The following LAMP5 variants were observed in gnomAD, a reference collection of about 807,000 sequenced individuals.
LAMP5 encodes lysosome associated membrane protein 5, also known as lysosome-associated membrane glycoprotein 5.
LAMP5 carries 36 observed loss-of-function variants against 30.2 expected under a neutral mutation model. That is an observed-to-expected ratio of 1.19 (90% confidence interval 0.91 to 1.57). LAMP5 has a LOEUF of 1.57. LAMP5 is among the 40% of genes most tolerant of loss of function. The pLI is 0.00. For missense variants in LAMP5, 377 were observed against 354.9 expected (o/e 1.06, Z -0.50); for synonymous variants, 149 against 134.6 (o/e 1.11, Z -0.74).
Position 9,515,594 on chromosome 20 carries a change from C to CT in LAMP5, c.208dup (p.Tyr70LeufsTer2), listed in dbSNP as rs1248396407. 7 of 1,614,032 alleles carry CT rather than the reference C, an allele frequency of 4.3e-6. No homozygotes were observed. Among genetic ancestry groups the CT allele is most frequent in the Non-Finnish European group, 5.9e-6 (7 of 1,180,036 alleles). On this transcript the variant is annotated frameshift_variant, in exon 2 of 6. Transcript: ENST00000246070. LOFTEE classifies it high-confidence loss of function. ...GAGTTTGCAGCCAAATTTATTGTAC[C>CT]TTATGATGTGTGGGCCAGCAACTAC...
At chr20:9,524,595 T>TAAAAAAAAAAAAAAAAAAAAAA (rs748114210) in intron 5 of LAMP5, among the ~76,000 whole-genome samples, 3 of 82,214 alleles carry the variant, frequency 3.6e-5, no homozygotes, top group Non-Finnish European at 2.5e-5. Flanking sequence ...CAGATCGAAC[T>TAAAAAAAAAAAAAAAAAAAAAA]AAAAAAAAAA....
rs752855315 is a variant in LAMP5, at chr20:9,516,103, C to T, written c.341C>T (p.Ala114Val). The T allele has an allele frequency of 6.4e-6, 10 of 1,550,744 alleles. No individual in the cohort carries two copies. Among genetic ancestry groups the T allele is most frequent in the Admixed American group, 2.1e-5 (1 of 48,292 alleles). The change falls in exon 3 of 6, where the codon GCA becomes GTA. Residue 114 changes from alanine (A) to valine (V), a missense_variant. Ala to Val is a moderately conservative substitution (Grantham distance 64, BLOSUM62 0). Transcript: ENST00000246070. ...CTGCAAGTGTTCTGGGTGGATCGCG[C>T]ATATGCACTCAAAATGCTCTTTGTA... is the stretch of plus-strand genomic sequence containing the variant. Reference protein sequence around the residue: ...SELQVFWVDRAYALKMLFVKE... With the variant: ...SELQVFWVDRVYALKMLFVKE...
chr20:9,515,847 G>T (rs1408422135), intron 2 of LAMP5, among the ~76,000 whole-genome samples, 153 bp from the exon 3 acceptor site: 1 of 152,214 alleles, frequency 6.6e-6, no homozygotes, highest in South Asian at 2.1e-4. Flanking sequence ...GGGGCTGCAC[G>T]TAGAGCATCT....
chr20:9,528,705 C>T (rs373475063), intron 5 of LAMP5, among the ~76,000 whole-genome samples: 1 of 152,286 alleles, frequency 6.6e-6, no homozygotes. Flanking sequence ...GTAAACATCT[C>T]CTAGATCAAG....
chr20:9,516,223 G>A, intron 3 of LAMP5, 33 bp from the exon 4 acceptor site: 1 of 1,613,250 alleles, frequency 6.2e-7, no homozygotes, highest in South Asian at 1.1e-5. Context: ...GACGCTGCGG[G>A]GACGATTGAA....
intron 5 of LAMP5, among the ~76,000 whole-genome samples, chr20:9,521,921 C>T (rs566692242): frequency 6.6e-6 from 1 of 152,256 alleles, no homozygotes; most frequent in South Asian, 2.1e-4. Context: ...ATAGATTGGT[C>T]CCTTTTTAAT....
At chr20:9,520,994 C>G (rs1288467864) in intron 5 of LAMP5, among the ~76,000 whole-genome samples, 1 of 152,106 alleles carries the variant, frequency 6.6e-6, no homozygotes, top group African/African-American at 2.4e-5. Context: ...CCCCAAGAAG[C>G]TCCATTGCTA....
intron 5 of LAMP5, among the ~76,000 whole-genome samples, chr20:9,519,907 G>A (rs920194652): frequency 6.6e-6 from 1 of 152,150 alleles, no homozygotes; most frequent in Non-Finnish European, 1.5e-5. Flanking sequence ...GTTGTTTATA[G>A]TTGCCTATGG....
intron 4 of LAMP5, among the ~76,000 whole-genome samples, 174 bp downstream of exon 4, chr20:9,516,535 G>A (rs2045041690): frequency 6.6e-6 from 1 of 152,094 alleles, no homozygotes; most frequent in South Asian, 2.1e-4. Flanking sequence ...AGTCTTCTGG[G>A]TCTCAGGCCT....
At chr20:9,515,305 C>G in intron 1 of LAMP5, 148 bp from the exon 2 acceptor site, 4 of 647,948 alleles carry the variant, frequency 6.2e-6, no homozygotes, top group Non-Finnish European at 1.0e-5. Flanking sequence ...TTGTTAGACC[C>G]GGGTTAGAGA....
intron 5 of LAMP5, among the ~76,000 whole-genome samples, 188 bp downstream of exon 5, chr20:9,518,416 GTTCT>G (rs535239589): frequency 1.4e-4 from 21 of 152,194 alleles, no homozygotes; most frequent in Non-Finnish European, 2.5e-4. Flanking sequence ...TATCTCAGTA[GTTCT>G]TTCTTTCTCC....
intron 5 of LAMP5, among the ~76,000 whole-genome samples, chr20:9,527,285 T>A (rs2045120924): frequency 6.6e-6 from 1 of 152,154 alleles, no homozygotes; most frequent in African/African-American, 2.4e-5. Flanking sequence ...CTTATTATCG[T>A]TATGACTTGA....
chr20:9,522,801 C>T (rs1294621589), intron 5 of LAMP5, among the ~76,000 whole-genome samples: 1 of 152,114 alleles, frequency 6.6e-6, no homozygotes, highest in East Asian at 1.9e-4. Context: ...GAAGAATGGA[C>T]AGTGTCTGTG....
chr20:9,527,146 C>A (rs114697978), intron 5 of LAMP5, among the ~76,000 whole-genome samples: 230 of 152,048 alleles, frequency 1.5e-3, no homozygotes, highest in African/African-American at 5.1e-3. Flanking sequence ...GACAAATCCT[C>A]CTTTCTGCTC....
In LAMP5 at chr20:9,530,504, TAA is replaced by T. The variant is rs2045143566; in HGVS notation, c.*687_*688del. ...TGTGAGTCTGTTTTTCAAAATGAAA[TAA>T]AACACACTATTCTCTGGCCTTTGGC... On this transcript the variant is annotated 3_prime_UTR_variant, in exon 6 of 6. Coordinates refer to ENST00000246070, the MANE Select transcript of LAMP5 (RefSeq NM_012261.4). 1 of 152,586 alleles carries T rather than the reference TAA, an allele frequency of 6.6e-6. No individual in the cohort carries two copies. The highest frequency in any genetic ancestry group is 6.6e-5 in the Admixed American group (1 of 15,262). The allele number at this position is 152,586 out of a possible 1,614,324, so 9.5% of individuals were successfully genotyped here.
intron 5 of LAMP5, among the ~76,000 whole-genome samples, chr20:9,524,230 AT>A (rs2045096901): frequency 6.6e-6 from 1 of 152,150 alleles, no homozygotes; most frequent in South Asian, 2.1e-4. Context: ...TTGTAATTGT[AT>A]GTATTTTATT....
At chr20:9,515,034 T>C (rs1389737671) in intron 1 of LAMP5, 118 bp downstream of exon 1, 5 of 910,410 alleles carry the variant, frequency 5.5e-6, no homozygotes, top group South Asian at 3.2e-5. Context: ...TTTTGCGGTG[T>C]TTTTTCTTTT....
intron 5 of LAMP5, among the ~76,000 whole-genome samples, chr20:9,525,087 G>A (rs1178272854): frequency 1.3e-5 from 2 of 151,782 alleles, no homozygotes; most frequent in Non-Finnish European, 2.9e-5. Flanking sequence ...TTTTCCTAAA[G>A]CAACAAAAGA....
intron 5 of LAMP5, among the ~76,000 whole-genome samples, chr20:9,522,892 A>G (rs1239242465): frequency 3.9e-5 from 6 of 151,998 alleles, no homozygotes; most frequent in Non-Finnish European, 8.8e-5. Flanking sequence ...GGGTGTATAC[A>G]ATGCATGTCA....
Sources: gnomAD v4.1 joint callset for allele counts (sites outside exome capture counted in the v4.1 genomes callset) on GRCh38, gnomAD v4.1.1 for gene constraint, MANE v1.5 for transcripts, NCBI Gene and HGNC (gene_info 2026-07-23, HGNC 2026-07-21) for gene names.